Variants in TMEM91 observed in about 807,000 individuals in gnomAD.
The protein encoded by TMEM91 is dispanin subfamily C member 3.
In TMEM91, 6 loss-of-function variants were observed where a neutral mutation model predicts 13.3. The observed-to-expected ratio is 0.45, with a 90% CI of 0.25 to 0.89. TMEM91 has a LOEUF of 0.89. TMEM91 is among the 40% of genes least tolerant of loss of function. The pLI is 0.19. For missense variants in TMEM91, 193 were observed against 228.7 expected, an observed-to-expected ratio of 0.84 and a Z score of 1.01; for synonymous variants, 87 against 101.7, an observed-to-expected ratio of 0.86 and a Z score of 0.87.
At chr19:41,380,681 C>T (rs562261401) in intron 2 of TMEM91, among the ~76,000 whole-genome samples, 66 of 152,006 alleles carry the variant, frequency 4.3e-4, no homozygotes, top group Non-Finnish European at 2.9e-4. Context: ...GAGGCTGAGA[C>T]GGGCGGATCA....
At chr19:41,378,144 C>T (rs1368650792) in intron 1 of TMEM91, 137 bp from the exon 2 acceptor site, 1 of 628,756 alleles carries the variant, frequency 1.6e-6, no homozygotes, top group African/African-American at 1.8e-5. Context: ...CTCTGGGCCT[C>T]AGCTTCTGTA....
At chr19:41,364,988 A>G (rs1421930125) in intron 1 of TMEM91, among the ~76,000 whole-genome samples, 1 of 150,480 alleles carries the variant, frequency 6.6e-6, no homozygotes, top group African/African-American at 2.4e-5. Flanking sequence ...GGATCCTCCT[A>G]CCTCAGCCTC....
Position 41,382,775 on chromosome 19 carries a change from A to G in TMEM91, c.214A>G (p.Met72Val), listed in dbSNP as rs2038921529. ...GEPRPPDVED[M>V]SSSDSDSDWD... ...CTGGGCACTTTCCTGTCCGTAGGAC[A>G]TGTCATCCAGTGACAGTGACTCGGA... Residue 72 changes from methionine (M) to valine (V), a missense_variant, in exon 3 of 4, where the codon ATG becomes GTG. Physicochemically the swap from Met to Val is conservative, Grantham distance 21. Coordinates refer to ENST00000392002, the MANE Select transcript of TMEM91 (RefSeq NM_001098821.2). The G allele has an allele frequency of 7.4e-6, 12 of 1,613,658 alleles. No homozygotes were observed. The highest frequency in any genetic ancestry group is 9.3e-6 in the Non-Finnish European group (11 of 1,179,770).
rs760809137 is a variant in TMEM91, at chr19:41,378,505, C to A, written c.196C>A (p.Pro66Thr). The A allele has an allele frequency of 6.2e-7, 1 of 1,613,936 alleles. No homozygotes were observed. The highest frequency in any genetic ancestry group is 8.5e-7 in the Non-Finnish European group (1 of 1,179,972). The change falls in exon 2 of 4, where the codon CCC (proline) becomes ACC (threonine). Residue 66 changes from proline to threonine, a missense_variant. Transcript: ENST00000392002. ...GAGCGCTGGCCTGGGGGAACCAAGG[C>A]CCCCTGATGTTGAGGTAGGAAACAG... is the stretch of plus-strand genomic sequence containing the variant. ...SVSAGLGEPR[P>T]PDVEDMSSSD...
At chr19:41,371,899 G>T (rs1292178635), upstream of TMEM91, among the ~76,000 whole-genome samples, 1 of 151,646 alleles carries the variant, frequency 6.6e-6, no homozygotes, top group Non-Finnish European at 1.5e-5. Flanking sequence ...TTTTGACTTG[G>T]AGTCTTGCTC....
chr19:41,378,555 G>C (rs372495379), intron 2 of TMEM91, 36 bp downstream of exon 2: 39 of 1,609,836 alleles, frequency 2.4e-5, no homozygotes, highest in Admixed American at 8.4e-5. Context: ...AGGCACGGGA[G>C]GGGGCTGGGG....
chr19:41,365,771 C>T (rs1158996316), intron 1 of TMEM91, among the ~76,000 whole-genome samples: 2 of 133,738 alleles, frequency 1.5e-5, no homozygotes, highest in African/African-American at 5.8e-5. Context: ...AGTGCAGTGG[C>T]ATGATCTCTG....
chr19:41,378,382 A>G lies in TMEM91; in HGVS notation c.73A>G (p.Lys25Glu). 2 of 1,614,228 alleles carry G rather than the reference A, an allele frequency of 1.2e-6. No homozygotes were observed. The highest frequency in any genetic ancestry group is 1.7e-6 in the Non-Finnish European group (2 of 1,180,032). The change falls in exon 2 of 4, where the codon AAG becomes GAG. Residue 25 changes from lysine (K) to glutamate (E), a missense_variant. Physicochemically the swap from Lys to Glu is moderately conservative, Grantham distance 56. Transcript: ENST00000392002. Reference sequence around the variant, plus strand: ...CACAGAATGTGAGACCCCTGCCCAGAAGCCTGGCAGGCATGAGCTGGGGTC... The same window carrying G: ...CACAGAATGTGAGACCCCTGCCCAGGAGCCTGGCAGGCATGAGCTGGGGTC... Reference protein sequence around the residue: ...EGTECETPAQKPGRHELGSPL... With the variant: ...EGTECETPAQEPGRHELGSPL...
chr19:41,381,527 A>G (rs2038887435), intron 2 of TMEM91, among the ~76,000 whole-genome samples: 1 of 151,804 alleles, frequency 6.6e-6, no homozygotes, highest in Non-Finnish European at 1.5e-5. Flanking sequence ...CACCCGGCTA[A>G]TTTTGTTTTT....
At chr19:41,373,286 T>C (rs1415982928), upstream of TMEM91, among the ~76,000 whole-genome samples, 1 of 151,960 alleles carries the variant, frequency 6.6e-6, no homozygotes, top group Non-Finnish European at 1.5e-5. Flanking sequence ...CACTAAGAGG[T>C]GTAGCCTCTT....
chr19:41,376,012 C>T (rs1372525075), upstream of TMEM91, among the ~76,000 whole-genome samples: 2 of 151,822 alleles, frequency 1.3e-5, no homozygotes, highest in East Asian at 1.9e-4. Flanking sequence ...CCCAGCTACT[C>T]GGGAGGCTGA....
intron 2 of TMEM91, among the ~76,000 whole-genome samples, chr19:41,381,309 G>A (rs1333848244): frequency 6.6e-6 from 1 of 151,192 alleles, no homozygotes; most frequent in Non-Finnish European, 1.5e-5. Context: ...TCCTGCCTCA[G>A]CCTCCCAAAG....
upstream of TMEM91, among the ~76,000 whole-genome samples, chr19:41,375,086 C>G (rs1222220891): frequency 6.6e-6 from 1 of 151,936 alleles, no homozygotes; most frequent in Non-Finnish European, 1.5e-5. Flanking sequence ...GCATCACCCC[C>G]TACTGGACCC....
At chr19:41,383,051 T>G (rs1599934260) in intron 3 of TMEM91, 130 bp downstream of exon 3, 3 of 1,311,594 alleles carry the variant, frequency 2.3e-6, no homozygotes, top group Non-Finnish European at 3.1e-6. Flanking sequence ...AAATCCTGAG[T>G]CTGCCACTCT....
intron 3 of TMEM91, 135 bp downstream of exon 3, chr19:41,383,056 C>A: frequency 7.7e-7 from 1 of 1,302,462 alleles, no homozygotes; most frequent in Non-Finnish European, 1.1e-6. Flanking sequence ...CTGAGTCTGC[C>A]ACTCTCTGCA....
intron 1 of TMEM91, among the ~76,000 whole-genome samples, chr19:41,364,539 G>A (rs1444080081): frequency 2.0e-5 from 3 of 152,052 alleles, no homozygotes; most frequent in Non-Finnish European, 2.9e-5. Context: ...CTTGTAACTG[G>A]AAAACAAAGC....
upstream of TMEM91, among the ~76,000 whole-genome samples, chr19:41,375,702 C>T (rs886702976): frequency 2.6e-5 from 4 of 151,938 alleles, no homozygotes; most frequent in African/African-American, 9.7e-5. Flanking sequence ...ACCTGTAATC[C>T]CACCGCTTTG....
intron 2 of TMEM91, among the ~76,000 whole-genome samples, chr19:41,381,686 T>C (rs938072441): frequency 2.6e-5 from 4 of 151,974 alleles, no homozygotes; most frequent in Non-Finnish European, 5.9e-5. Flanking sequence ...ATTTTAAATT[T>C]TTTTTTGTAG....
At chr19:41,378,035 CAA>C (rs11449744) in intron 1 of TMEM91, among the ~76,000 whole-genome samples, 17 of 101,690 alleles carry the variant, frequency 1.7e-4, no homozygotes, top group African/African-American at 3.1e-4. Context: ...GACTTTGTCT[CAA>C]AAAAAAAAAA....
Sources: gnomAD v4.1 joint callset for allele counts (sites outside exome capture counted in the v4.1 genomes callset) on GRCh38, gnomAD v4.1.1 for gene constraint, MANE v1.5 for transcripts, NCBI Gene and HGNC (gene_info 2026-07-23, HGNC 2026-07-21) for gene names.